The following SETD3 variants were observed in gnomAD, a reference collection of about 807,000 sequenced individuals.
SETD3 encodes actin-histidine N-methyltransferase.
Under a neutral mutation model 63.0 loss-of-function variants are expected in SETD3, and 19 were observed. That is an observed-to-expected ratio of 0.30 (90% confidence interval 0.21 to 0.44). SETD3 has a LOEUF of 0.44. SETD3 is among the 20% of genes least tolerant of loss of function. The pLI, the probability that SETD3 is intolerant of heterozygous loss-of-function variation, is 1.00. For missense variants in SETD3, 587 were observed against 728.5 expected (o/e 0.81, Z 2.24); for synonymous variants, 286 against 264.1 (o/e 1.08, Z -0.80).
chr14:99,405,586 G>A (rs937242595), intron 9 of SETD3, among the ~76,000 whole-genome samples: 3 of 152,098 alleles, frequency 2.0e-5, no homozygotes, highest in Non-Finnish European at 4.4e-5. Flanking sequence ...TTCCACCACC[G>A]TGTGGAGAGG....
chr14:99,400,032 C>T, intron 12 of SETD3, 67 bp downstream of exon 12: 1 of 1,433,298 alleles, frequency 7.0e-7, no homozygotes, highest in East Asian at 2.5e-5. Context: ...TGAGCCACCG[C>T]ACCAAGCCTC....
intron 11 of SETD3, among the ~76,000 whole-genome samples, chr14:99,400,531 G>A (rs906230257): frequency 6.6e-6 from 1 of 152,130 alleles, no homozygotes. Context: ...GGGACACTGA[G>A]AGCCTTTAGA....
intron 1 of SETD3, among the ~76,000 whole-genome samples, chr14:99,474,330 T>C (rs1371058891): frequency 1.3e-5 from 2 of 151,798 alleles, no homozygotes; most frequent in Non-Finnish European, 2.9e-5. Context: ...GTTTCAAAAA[T>C]AAATAAATAA....
In SETD3 at chr14:99,474,301, G is replaced by T. The variant is rs371798109; in HGVS notation, c.-9+6427C>A. Among the ~76,000 whole-genome samples the T allele has an allele frequency of 5.3e-5, 8 of 152,116 alleles. No homozygotes were observed. The East Asian group carries it at 5.8e-4, about 11-fold the overall frequency. On this transcript the variant is annotated intron_variant, in intron 1 of 12. Transcript: ENST00000331768. ...GATCCAGCCACTGTACTCCAGCCTG[G>T]GCGACAGAGTGAGACTCTGTTTCAA...
intron 2 of SETD3, among the ~76,000 whole-genome samples, chr14:99,464,379 G>A (rs765724456): frequency 2.6e-5 from 4 of 152,142 alleles, no homozygotes; most frequent in Non-Finnish European, 4.4e-5. Context: ...ACAATAACTA[G>A]ACACACGCTG....
At chr14:99,413,768 A>T in intron 7 of SETD3, 108 bp downstream of exon 7, 1 of 996,494 alleles carries the variant, frequency 1.0e-6, no homozygotes. Context: ...GGATGCTTTA[A>T]CGGTCACAGC....
intron 3 of SETD3, among the ~76,000 whole-genome samples, chr14:99,463,037 AAAAACACAGC>A (rs1895161240): frequency 6.6e-6 from 1 of 152,210 alleles, no homozygotes; most frequent in Non-Finnish European, 1.5e-5. Context: ...TACGTCCTGT[AAAAACACAGC>A]TTAAGGAATA....
At chr14:99,433,584 T>C (rs1304772811) in intron 6 of SETD3, among the ~76,000 whole-genome samples, 1 of 152,104 alleles carries the variant, frequency 6.6e-6, no homozygotes, top group Non-Finnish European at 1.5e-5. Flanking sequence ...ACTACAGGCA[T>C]GTGCCACCAC....
At chr14:99,458,747 G>A (rs1486751094) in intron 5 of SETD3, among the ~76,000 whole-genome samples, 1 of 144,832 alleles carries the variant, frequency 6.9e-6, no homozygotes, top group African/African-American at 2.6e-5. Flanking sequence ...AGACCAGCCT[G>A]GGCAATATAG....
intron 6 of SETD3, among the ~76,000 whole-genome samples, chr14:99,446,008 T>A (rs1246799776): frequency 1.3e-5 from 2 of 152,132 alleles, no homozygotes; most frequent in Admixed American, 6.5e-5. Flanking sequence ...AGAGAAGGAA[T>A]CACAGAACGG....
In SETD3 at chr14:99,422,877, G is replaced by A. The variant is rs561053294; in HGVS notation, c.676-8943C>T. Among the ~76,000 whole-genome samples, 7 of 152,300 alleles carry A rather than the reference G, an allele frequency of 4.6e-5. No individual in the cohort carries two copies. The East Asian group carries it at 5.8e-4, about 13-fold the overall frequency. ...TTCCCCCATCAAAGGCTCAGTGTGC[G>A]GCTCTGTGGAGCCCCGCGGCCCCCA... On this transcript the variant is annotated intron_variant, in intron 6 of 12. Coordinates refer to ENST00000331768, the MANE Select transcript of SETD3 (RefSeq NM_032233.3).
intron 6 of SETD3, among the ~76,000 whole-genome samples, chr14:99,450,909 CAT>C (rs1262490159): frequency 6.6e-6 from 1 of 152,182 alleles, no homozygotes; most frequent in Non-Finnish European, 1.5e-5. Context: ...GAAAAATGTA[CAT>C]GTCTCTAAGA....
chr14:99,405,663 GGGGTCACCA>G (rs1393410505), intron 9 of SETD3, among the ~76,000 whole-genome samples: 9 of 152,090 alleles, frequency 5.9e-5, no homozygotes, highest in Admixed American at 5.9e-4. Flanking sequence ...CAGGTGACCT[GGGGTCACCA>G]GGCCTCTATT....
intron 1 of SETD3, among the ~76,000 whole-genome samples, chr14:99,476,707 G>C (rs1895990237): frequency 1.3e-5 from 2 of 152,168 alleles, no homozygotes; most frequent in South Asian, 2.1e-4. Context: ...TATTGAAAAG[G>C]CATGTCTATT....
At position 99,398,910 on chromosome 14, in the gene SETD3, C is replaced by T. The variant is rs1287545644; in HGVS notation, c.1554G>A (p.Arg518=). Reference sequence around the variant, plus strand: ...CGAGGTTTCTCAAGACCAGGGGGAGCCTCGAGTCCCCCACGCTGCTCTCCA... The same window carrying T: ...CGAGGTTTCTCAAGACCAGGGGGAGTCTCGAGTCCCCCACGCTGCTCTCCA... ...GLLESSVGDS[R]LPLVLRNLEE... is the part of the protein sequence containing the mutation. Residue 518 remains arginine, a synonymous_variant, in exon 13 of 13, where the codon AGG becomes AGA. Transcript: ENST00000331768. The T allele has an allele frequency of 2.5e-6, 4 of 1,614,058 alleles. No individual in the cohort carries two copies. In the South Asian group the frequency reaches 4.4e-5, roughly 18 times the overall value.
intron 2 of SETD3, among the ~76,000 whole-genome samples, chr14:99,464,821 T>C (rs2400670): frequency 0.98 from 149,933 of 152,350 alleles, 73,817 homozygotes; most frequent in East Asian, 1. Context: ...TTCCTTAAAC[T>C]AAGAACTCTC....
chr14:99,419,582 C>T (rs976060073), intron 6 of SETD3, among the ~76,000 whole-genome samples: 17 of 151,792 alleles, frequency 1.1e-4, no homozygotes, highest in African/African-American at 3.1e-4. Context: ...GAGACCATCC[C>T]GGCTAAAACG....
In SETD3 at chr14:99,398,952, C is replaced by T. The variant is rs532987474; in HGVS notation, c.1512G>A (p.Glu504=). ...EEKAPLPKYE[E]SNLGLLESSV... ...TGCTCTCCAACAGCCCAAGGTTACTCTCTTCATATTTGGGAAGCGGAGCCT... is the reference window on the plus strand; with the variant it reads ...TGCTCTCCAACAGCCCAAGGTTACTTTCTTCATATTTGGGAAGCGGAGCCT... Residue 504 remains glutamate (E), a synonymous_variant, in exon 13 of 13, where the codon GAG becomes GAA. Coordinates refer to ENST00000331768, the MANE Select transcript of SETD3 (RefSeq NM_032233.3). The T allele has an allele frequency of 2.5e-6, 4 of 1,614,134 alleles. No individual in the cohort carries two copies. In the African/African-American group the frequency reaches 4.0e-5, roughly 16 times the overall value.
intron 6 of SETD3, among the ~76,000 whole-genome samples, chr14:99,432,740 G>A (rs1893253139): frequency 6.6e-6 from 1 of 152,194 alleles, no homozygotes; most frequent in Admixed American, 6.5e-5. Flanking sequence ...CTCATGCTGA[G>A]AGGCTCCCAG....
Sources: gnomAD v4.1 joint callset for allele counts (sites outside exome capture counted in the v4.1 genomes callset) on GRCh38, gnomAD v4.1.1 for gene constraint, MANE v1.5 for transcripts, NCBI Gene and HGNC (gene_info 2026-07-23, HGNC 2026-07-21) for gene names.